Variants in WWP2 observed in about 807,000 individuals in gnomAD.
The protein encoded by WWP2 is WW domain containing E3 ubiquitin protein ligase 2.
In WWP2, 57 loss-of-function variants were observed where a neutral mutation model predicts 121.0. That is an observed-to-expected ratio of 0.47 (90% CI 0.38 to 0.59). WWP2 has a LOEUF of 0.59. Ranked by LOEUF, WWP2 falls within the 20% of genes least tolerant of loss-of-function variation. The pLI is 0.00. For missense variants in WWP2, 962 were observed against 1,158.9 expected (o/e 0.83, Z 2.47); for synonymous variants, 449 against 441.3 (o/e 1.02, Z -0.22).
At chr16:69,902,028 T>A (rs1393239025) in intron 8 of WWP2, among the ~76,000 whole-genome samples, 2 of 152,252 alleles carry the variant, frequency 1.3e-5, no homozygotes, top group African/African-American at 4.8e-5. Flanking sequence ...CCCTTTTAGC[T>A]TAATCCTATT....
At position 69,893,745 on chromosome 16, in the gene WWP2, T is replaced by C. The variant is rs566510928; in HGVS notation, c.914+5496T>C. 1.8e-4 allele frequency among the ~76,000 whole-genome samples: 28 copies of C among 152,298 alleles called. No individual in the cohort carries two copies. In the South Asian group the frequency reaches 3.1e-3, roughly 17 times the overall value. On this transcript the variant is annotated intron_variant, in intron 8 of 23. Transcript: ENST00000359154. ...TTTTAGTAGAGCCAGGGTTTCACCA[T>C]GTTGGCCAGGCTGTGCTCGAACGCC... is the stretch of plus-strand genomic sequence containing the variant.
intron 12 of WWP2, 64 bp from the exon 13 acceptor site, chr16:69,930,066 C>T: frequency 6.2e-7 from 1 of 1,606,774 alleles, no homozygotes; most frequent in Non-Finnish European, 8.5e-7. Flanking sequence ...GAGGACCCAG[C>T]CTCCAACCAC....
rs560555421 is a variant in WWP2, at chr16:69,799,058, T to C, written c.219-116T>C. On this transcript the variant is annotated intron_variant, in intron 3 of 23. Transcript: ENST00000359154. This position sits in a 1 kb window ranked among gnomAD's most constrained non-coding sequence, Gnocchi z 4.5. ...TGAGAGGGGAAAGGATATATGTGGG[T>C]GTCTGCCTGTTTTGGTTCCCCCTCC... 2.5e-4 allele frequency: 372 copies of C among 1,461,968 alleles called. 2 individuals are homozygous for C. The South Asian group carries it at 4.7e-3, about 18-fold the overall frequency. 90.6% of individuals were successfully genotyped at this position (1,461,968 alleles called of 1,614,324 possible).
chr16:69,824,767 CTT>C lies in WWP2; in HGVS notation c.341-15339_341-15338del, dbSNP rs34154307. 5.4e-3 allele frequency among the ~76,000 whole-genome samples: 451 copies of C among 82,784 alleles called. 1 individual carries two copies. Among genetic ancestry groups the C allele is most frequent in the African/African-American group, 0.018 (333 of 18,904 alleles). The allele number at this position is 82,784 out of a possible 152,430, so 54.3% of individuals were successfully genotyped here. ...AATGACCTCAACTTTGCACCTGTGG[CTT>C]TTTTTTTTTTTTTTTTTTTGAGACA... On this transcript the variant is annotated intron_variant, in intron 4 of 23. Coordinates refer to ENST00000359154, the MANE Select transcript of WWP2 (RefSeq NM_001270454.2).
intron 15 of WWP2, 48 bp from the exon 16 acceptor site, chr16:69,931,754 G>T: frequency 6.2e-7 from 1 of 1,601,872 alleles, no homozygotes; most frequent in Non-Finnish European, 8.6e-7. Flanking sequence ...GCCCCTGCCT[G>T]CTGTGGAAGG....
chr16:69,840,084 C>T (rs373275715), intron 4 of WWP2, 42 bp from the exon 5 acceptor site: 1 of 1,605,564 alleles, frequency 6.2e-7, no homozygotes, highest in African/African-American at 1.3e-5. Context: ...ACTTGGGGTG[C>T]ATTCTCTTTA....
At chr16:69,781,135 A>G (rs1176025763) in intron 1 of WWP2, among the ~76,000 whole-genome samples, 2 of 150,900 alleles carry the variant, frequency 1.3e-5, no homozygotes, top group Non-Finnish European at 3.0e-5. Context: ...TTAAAAAAGG[A>G]AAAAAAAAGA....
intron 6 of WWP2, among the ~76,000 whole-genome samples, chr16:69,869,547 T>C (rs2151913617): frequency 6.6e-6 from 1 of 152,220 alleles, no homozygotes; most frequent in East Asian, 1.9e-4. Context: ...GGTCTCCCTG[T>C]GTTGCCCAGG....
chr16:69,769,179 T>C (rs1250857425), intron 1 of WWP2, among the ~76,000 whole-genome samples: 1 of 152,064 alleles, frequency 6.6e-6, no homozygotes, highest in Non-Finnish European at 1.5e-5. Flanking sequence ...TAGTCAGGCG[T>C]GGTGACAGGC....
rs760947004 is a variant in WWP2 at position 69,937,609 on chromosome 16, G to A, written c.2300G>A (p.Arg767Gln). ...MSDWQKSTIY[R>Q]HYTKNSKQIQ... ...GACTGGCAGAAGAGCACCATCTACC[G>A]GCACTACACCAAGAACAGCAAGCAG... Residue 767 changes from arginine (R) to glutamine (Q), a missense_variant, in exon 21 of 24, where the codon CGG becomes CAG. Arg to Gln is a conservative substitution (Grantham distance 43, BLOSUM62 1). Transcript: ENST00000359154. This position sits in a 1 kb window ranked among gnomAD's most constrained non-coding sequence, Gnocchi z 6.6. 15 of 1,613,730 alleles carry A rather than the reference G, an allele frequency of 9.3e-6. No homozygotes were observed. Among genetic ancestry groups the A allele is most frequent in the Middle Eastern group, 1.6e-4 (1 of 6,084 alleles).
At position 69,931,209 on chromosome 16, in the gene WWP2, G is replaced by A. The variant is rs757641576; in HGVS notation, c.1503G>A (p.Gln501=). ...YDRSFRWKYH[Q]FRFLCHSNAL... ...GCAGTTTTCGGTGGAAGTATCACCA[G>A]TTCCGTTTCCTCTGCCATGTGAGTT... Residue 501 remains glutamine (Q), a synonymous_variant, in exon 14 of 24, where the codon CAG becomes CAA. Coordinates refer to ENST00000359154, the MANE Select transcript of WWP2 (RefSeq NM_001270454.2). The A allele has an allele frequency of 2.0e-5, 32 of 1,614,078 alleles. No individual in the cohort carries two copies. Among genetic ancestry groups the A allele is most frequent in the Non-Finnish European group, 2.7e-5 (32 of 1,180,050 alleles).
chr16:69,787,117 G>A (rs371680787), intron 2 of WWP2, 37 bp downstream of exon 2: 173 of 1,570,744 alleles, frequency 1.1e-4, no homozygotes, highest in Non-Finnish European at 1.5e-4. Context: ...TCTTGTCTAC[G>A]CCCAGGGAAG....
chr16:69,787,589 A>G (rs1244426558), intron 2 of WWP2, among the ~76,000 whole-genome samples: 2 of 152,140 alleles, frequency 1.3e-5, no homozygotes, highest in Non-Finnish European at 2.9e-5. Context: ...ACCCTGTCCC[A>G]AAAACAAATT....
rs775294892 is a variant in WWP2 at position 69,937,597 on chromosome 16, G to A, written c.2288G>A (p.Ser763Asn). The change falls in exon 21 of 24, where the codon AGC becomes AAC. Residue 763 changes from serine to asparagine, a missense_variant. Ser to Asn is a conservative substitution (Grantham distance 46). Coordinates refer to ENST00000359154, the MANE Select transcript of WWP2 (RefSeq NM_001270454.2). This position sits in a 1 kb window ranked among gnomAD's most constrained non-coding sequence, Gnocchi z 6.6. ...ATAGACATGAGCGACTGGCAGAAGA[G>A]CACCATCTACCGGCACTACACCAAG... ...QEIDMSDWQK[S>N]TIYRHYTKNS... is the part of the protein sequence containing the mutation. 1.9e-6 allele frequency: 3 copies of A among 1,613,968 alleles called. No individual in the cohort carries two copies. In the South Asian group the frequency reaches 3.3e-5, roughly 18 times the overall value.
chr16:69,860,461 A>G (rs2057395487), intron 6 of WWP2, among the ~76,000 whole-genome samples: 1 of 152,170 alleles, frequency 6.6e-6, no homozygotes, highest in African/African-American at 2.4e-5. Flanking sequence ...GGATGTTATG[A>G]GAGAATGAAA....
intron 17 of WWP2, among the ~76,000 whole-genome samples, chr16:69,934,846 A>G (rs2058771123): frequency 1.3e-5 from 2 of 152,026 alleles, no homozygotes; most frequent in Admixed American, 1.3e-4. Context: ...TACCAGCTCT[A>G]TGGGGGCGAA....
Position 69,798,675 on chromosome 16 carries a change from C to G in WWP2, c.71-7C>G, listed in dbSNP as rs2056098478. On this transcript the variant is annotated splice_polypyrimidine_tract_variant and splice_region_variant and intron_variant, in intron 2 of 23. Coordinates refer to ENST00000359154, the MANE Select transcript of WWP2 (RefSeq NM_001270454.2). The stretch of plus-strand genomic sequence containing the variant: ...CATCTTTGACTTTTTCTTTCTTTCT[C>G]TCCCAGTGGTGTCCGCAAAGCCCAA... 1.2e-6 allele frequency: 2 copies of G among 1,613,182 alleles called. No homozygotes were observed. Among genetic ancestry groups the G allele is most frequent in the African/African-American group, 2.7e-5 (2 of 75,024 alleles).
intron 2 of WWP2, among the ~76,000 whole-genome samples, chr16:69,797,678 C>T (rs1243561497): frequency 6.6e-6 from 1 of 150,954 alleles, no homozygotes; most frequent in Admixed American, 6.6e-5. Flanking sequence ...CATCTGAGGT[C>T]AGGAGTTTGA....
chr16:69,764,131 T>C (rs1274092334), intron 1 of WWP2, among the ~76,000 whole-genome samples: 1 of 152,182 alleles, frequency 6.6e-6, no homozygotes, highest in African/African-American at 2.4e-5. Flanking sequence ...AGTAAATGAG[T>C]AGGGACTCAA....
Sources: gnomAD v4.1 joint callset for allele counts (sites outside exome capture counted in the v4.1 genomes callset) on GRCh38, gnomAD v4.1.1 for gene constraint, Gnocchi (gnomAD v3.1) non-coding constraint, MANE v1.5 for transcripts, NCBI Gene and HGNC (gene_info 2026-07-23, HGNC 2026-07-21) for gene names.